The following AGK variants were observed in gnomAD, a reference collection of about 807,000 sequenced individuals.
AGK encodes acylglycerol kinase.
Under a neutral mutation model 66.4 loss-of-function variants are expected in AGK, and 52 were observed. The ratio of observed to expected loss-of-function variants is 0.78; its 90% CI spans 0.63 to 0.99. The LOEUF is 0.99. Ranked by LOEUF, AGK falls within the 50% of genes least tolerant of loss-of-function variation. AGK has a pLI of 0.00. For synonymous variants in AGK, 182 were observed against 181.1 expected (o/e 1.00, Z -0.04); for missense variants, 451 against 506.6 (o/e 0.89, Z 1.05).
chr7:141,568,570 CTTTCTTTTTT>C (rs1199116133), intron 2 of AGK, among the ~76,000 whole-genome samples: 2 of 149,802 alleles, frequency 1.3e-5, no homozygotes, highest in Admixed American at 1.3e-4. Flanking sequence ...CCATTTCTTT[CTTTCTTTTTT>C]TTTTTTTTTG....
At chr7:141,608,983 T>C (rs1401285216) in intron 5 of AGK, among the ~76,000 whole-genome samples, 1 of 152,206 alleles carries the variant, frequency 6.6e-6, no homozygotes, top group Non-Finnish European at 1.5e-5. Flanking sequence ...TTCATCAGGA[T>C]TGACATACAT....
intron 6 of AGK, among the ~76,000 whole-genome samples, chr7:141,612,613 G>A (rs1796614576): frequency 6.6e-6 from 1 of 152,242 alleles, no homozygotes; most frequent in Non-Finnish European, 1.5e-5. Flanking sequence ...GTTGATAATG[G>A]GCGGAAGGTT....
At position 141,637,015 on chromosome 7, in the gene AGK, A is replaced by G. The variant is rs1797189125; in HGVS notation, c.724A>G (p.Lys242Glu). The stretch of plus-strand genomic sequence containing the variant: ...AGCAGCCCACTTTTTCAGCACTCTT[A>G]AGGTAAATGTGATTTACAGTGTAGA... The part of the protein sequence containing the change: ...IKAAHFFSTL[K>E]EWPQTHQASI... Residue 242 changes from lysine (K) to glutamate (E), a missense_variant and splice_region_variant, in exon 11 of 16, where the codon AAG becomes GAG. Coordinates refer to ENST00000649286, the MANE Select transcript of AGK (RefSeq NM_018238.4). 6.2e-7 allele frequency: 1 copy of G among 1,611,996 alleles called. No individual in the cohort carries two copies. The highest frequency in any genetic ancestry group is 8.5e-7 in the Non-Finnish European group (1 of 1,178,794).
At chr7:141,640,824 G>C (rs1355289751) in intron 11 of AGK, among the ~76,000 whole-genome samples, 2 of 152,180 alleles carry the variant, frequency 1.3e-5, no homozygotes, top group Non-Finnish European at 2.9e-5. Flanking sequence ...TTGTGAGCCT[G>C]GGCTAAACCA....
chr7:141,628,081 C>T (rs982481993), intron 9 of AGK, among the ~76,000 whole-genome samples: 1 of 152,176 alleles, frequency 6.6e-6, no homozygotes, highest in African/African-American at 2.4e-5. Context: ...GGAGTTTCAC[C>T]ATATTGGTCA....
At chr7:141,576,280 G>A (rs927795822) in intron 2 of AGK, among the ~76,000 whole-genome samples, 2 of 152,064 alleles carry the variant, frequency 1.3e-5, no homozygotes, top group African/African-American at 4.8e-5. Flanking sequence ...GAGCAATGGT[G>A]AGAGCACACC....
intron 1 of AGK, among the ~76,000 whole-genome samples, chr7:141,553,469 C>T (rs916833983): frequency 1.3e-5 from 2 of 152,222 alleles, no homozygotes; most frequent in Non-Finnish European, 2.9e-5. Flanking sequence ...TGCAGACTCT[C>T]ACAAAGCCTT....
chr7:141,566,025 G>C lies in AGK; in HGVS notation c.101+10458G>C, dbSNP rs140680842. ...GCCACATTTTATACTTTAACACGTG[G>C]ACCTTTCCGATCTTCGGAAGTGACA... On this transcript the variant is annotated intron_variant, in intron 2 of 15. Transcript: ENST00000649286. Among the ~76,000 whole-genome samples, 576 of 152,266 alleles carry C rather than the reference G, an allele frequency of 3.8e-3. 3 individuals carry two copies. Among genetic ancestry groups the C allele is most frequent in the African/African-American group, 0.013 (524 of 41,528 alleles).
chr7:141,654,173 T>C lies in AGK; in HGVS notation c.*1249T>C, dbSNP rs538371714. 1.2e-4 allele frequency: 18 copies of C among 152,286 alleles called. No homozygotes were observed. Among genetic ancestry groups the C allele is most frequent in the Admixed American group, 4.6e-4 (7 of 15,304 alleles). The allele number at this position is 152,286 out of a possible 1,614,324, so 9.4% of individuals were successfully genotyped here. On this transcript the variant is annotated 3_prime_UTR_variant, in exon 16 of 16. Coordinates refer to ENST00000649286, the MANE Select transcript of AGK (RefSeq NM_018238.4). Reference sequence around the variant, plus strand: ...TCTTGCTTTAAGTGTTTGTTTGTTATCTCAGTCCAGAACCAATATTATCGT... The same window carrying C: ...TCTTGCTTTAAGTGTTTGTTTGTTACCTCAGTCCAGAACCAATATTATCGT...
intron 9 of AGK, among the ~76,000 whole-genome samples, chr7:141,631,322 G>A (rs1284231771): frequency 2.0e-5 from 3 of 152,136 alleles, no homozygotes; most frequent in Non-Finnish European, 2.9e-5. Context: ...ACGTTCAAAA[G>A]TTAAGTGACT....
intron 8 of AGK, among the ~76,000 whole-genome samples, chr7:141,618,525 A>AG (rs1796756209): frequency 6.6e-6 from 1 of 152,218 alleles, no homozygotes; most frequent in African/African-American, 2.4e-5. Context: ...GGGGACAAAC[A>AG]GTAAATAAAT....
At chr7:141,581,295 T>C (rs1249637459) in intron 2 of AGK, among the ~76,000 whole-genome samples, 1 of 151,646 alleles carries the variant, frequency 6.6e-6, no homozygotes, top group Non-Finnish European at 1.5e-5. Flanking sequence ...AAAGGAATAG[T>C]AAAGAAAGCA....
chr7:141,599,043 G>A (rs1250110975), intron 4 of AGK: 1 of 152,116 alleles, frequency 6.6e-6, no homozygotes, highest in Non-Finnish European at 1.5e-5. Flanking sequence ...CTTTTCTAAA[G>A]GTGTTGTCTC....
intron 2 of AGK, among the ~76,000 whole-genome samples, chr7:141,591,082 GTTTTTTTT>G (rs60762855): frequency 4.9e-5 from 3 of 61,040 alleles, no homozygotes; most frequent in East Asian, 6.4e-4. Flanking sequence ...TTCTTAAGTT[GTTTTTTTT>G]TTTTTTTTTT....
intron 2 of AGK, among the ~76,000 whole-genome samples, chr7:141,583,637 C>G (rs1383498455): frequency 2.0e-5 from 3 of 151,902 alleles, no homozygotes; most frequent in African/African-American, 7.3e-5. Context: ...TATCAGACAC[C>G]TCTTAAACAT....
At chr7:141,624,680 T>C (rs1796897395) in intron 9 of AGK, among the ~76,000 whole-genome samples, 2 of 152,210 alleles carry the variant, frequency 1.3e-5, no homozygotes, top group Admixed American at 1.3e-4. Context: ...GATGAAGAGT[T>C]GTTTCTTATG....
intron 2 of AGK, chr7:141,562,028 TCAGCCATGGGTAC>T: frequency 4.4e-6 from 2 of 456,236 alleles, no homozygotes; most frequent in East Asian, 1.4e-4. Context: ...TTCAGGTCTC[TCAGCCATGGGTAC>T]CAGCACCTGC....
chr7:141,622,237 C>T lies in AGK; in HGVS notation c.588+436C>T, dbSNP rs114999322. Among the ~76,000 whole-genome samples the T allele has an allele frequency of 3.7e-3, 570 of 152,150 alleles. 3 individuals carry two copies. Among genetic ancestry groups the T allele is most frequent in the African/African-American group, 0.013 (536 of 41,510 alleles). The stretch of plus-strand genomic sequence containing the variant: ...TCCCAAGTAGCTGAAATTACAGGCA[C>T]CCACCTCCACAACTGGCTAATTTTA... On this transcript the variant is annotated intron_variant, in intron 9 of 15. Transcript: ENST00000649286.
intron 9 of AGK, among the ~76,000 whole-genome samples, chr7:141,625,891 T>C (rs1312608975): frequency 6.6e-6 from 1 of 152,238 alleles, no homozygotes; most frequent in Non-Finnish European, 1.5e-5. Flanking sequence ...GGTGGGACTA[T>C]GTTCTTCGTA....
Sources: gnomAD v4.1 joint callset for allele counts (sites outside exome capture counted in the v4.1 genomes callset) on GRCh38, gnomAD v4.1.1 for gene constraint, MANE v1.5 for transcripts, NCBI Gene and HGNC (gene_info 2026-07-23, HGNC 2026-07-21) for gene names.